Variants in MAX observed in about 807,000 individuals in gnomAD.
MAX encodes MYC associated transcriptional regulator X.
Under a neutral mutation model 22.3 loss-of-function variants are expected in MAX, and 3 were observed. That is an observed-to-expected ratio of 0.13 (90% CI 0.06 to 0.35). The LOEUF (loss-of-function observed/expected upper bound fraction) is 0.35, where lower values mean the gene tolerates loss of function less well. Among genes scored for constraint, MAX ranks in the 10% least tolerant of loss-of-function variants. The pLI is 1.00. For synonymous variants in MAX, 72 were observed against 77.7 expected, an observed-to-expected ratio of 0.93 and a Z score of 0.39; for missense variants, 119 against 209.4, an observed-to-expected ratio of 0.57 and a Z score of 2.66.
rs572480060 is a variant in MAX at position 65,069,481 on chromosome 14, G to T, written c.171+24227C>A. 5.3e-5 allele frequency among the ~76,000 whole-genome samples: 8 copies of T among 152,372 alleles called. No homozygotes were observed. In the East Asian group the frequency reaches 1.5e-3, roughly 29 times the overall value. ...TAACCTCATCTCTAAGCTTCTTCAA[G>T]GCAAGGCCCAGCCTTTATAAGCTGC... On this transcript the variant is annotated intron_variant, in intron 3 of 3. Coordinates refer to the MAX transcript ENST00000341653. This position sits in a 1 kb window ranked among gnomAD's most constrained non-coding sequence, Gnocchi z 4.6.
In MAX at chr14:65,032,677, A is replaced by G; in HGVS notation, c.172-26393T>C. ...CATCACTCCAGACCTCTTTGAGGGC[A>G]CTGCTGAATGGATAGCAAGGTGAGA... On this transcript the variant is annotated intron_variant, in intron 3 of 3. Transcript: ENST00000341653. The surrounding 1 kb of genome is among the most constrained non-coding windows in gnomAD (Gnocchi z 5.0). The G allele has an allele frequency of 1.4e-5, 22 of 1,613,908 alleles. No homozygotes were observed. The highest frequency in any genetic ancestry group is 1.9e-5 in the Non-Finnish European group (22 of 1,179,990).
chr14:65,035,300 T>C (rs1209708722), intron 3 of MAX, among the ~76,000 whole-genome samples: 1 of 152,196 alleles, frequency 6.6e-6, no homozygotes, highest in Non-Finnish European at 1.5e-5. Context: ...AACTGCATGC[T>C]GTTCTCTGTT....
rs973580212 is a variant in MAX, at chr14:65,077,742, C to T, written c.295+171G>A. 14 of 1,607,886 alleles carry T rather than the reference C, an allele frequency of 8.7e-6. No individual in the cohort carries two copies. The African/African-American group carries it at 1.6e-4, about 18-fold the overall frequency. ...CTGTCTCCTCACTGGCGCCTCAGGT[C>T]CTTCCTCAGGACGGCTCTAACACTC... On this transcript the variant is annotated intron_variant, in intron 4 of 4. Coordinates refer to ENST00000358664, the MANE Select transcript of MAX (RefSeq NM_002382.5). This position sits in a 1 kb window ranked among gnomAD's most constrained non-coding sequence, Gnocchi z 6.3.
rs1310940686 is a variant in MAX, at chr14:65,028,712, C to A, written c.172-22428G>T. ...TCTATCTCTAACTTGTCTAATCCAA[C>A]CAAAAAAATTAGATTAGGATCTGTG... On this transcript the variant is annotated intron_variant, in intron 3 of 3. Coordinates refer to the MAX transcript ENST00000341653. This position sits in a 1 kb window ranked among gnomAD's most constrained non-coding sequence, Gnocchi z 4.4. Among the ~76,000 whole-genome samples, 11 of 152,062 alleles carry A rather than the reference C, an allele frequency of 7.2e-5. No individual in the cohort carries two copies. Among genetic ancestry groups the A allele is most frequent in the African/African-American group, 2.7e-4 (11 of 41,368 alleles).
chr14:65,081,776 C>T (rs534377643), intron 3 of MAX, among the ~76,000 whole-genome samples: 1 of 152,206 alleles, frequency 6.6e-6, no homozygotes, highest in East Asian at 1.9e-4. Flanking sequence ...ACAGAAATGG[C>T]TCTTTAAATG....
rs2062691248 is a variant in MAX, at chr14:65,054,734, C to T, written c.171+38974G>A. 3.9e-6 allele frequency: 6 copies of T among 1,556,686 alleles called. No homozygotes were observed. Among genetic ancestry groups the T allele is most frequent in the Admixed American group, 1.9e-5 (1 of 52,582 alleles). On this transcript the variant is annotated intron_variant, in intron 3 of 3. Coordinates refer to the MAX transcript ENST00000341653. This position sits in a 1 kb window ranked among gnomAD's most constrained non-coding sequence, Gnocchi z 4.4. ...TCACACCCCTTCTCCACAGGGACCT[C>T]GCGGACAGAAGGCTTTCCAAGTAAG... is the stretch of plus-strand genomic sequence containing the variant.
intron 3 of MAX, among the ~76,000 whole-genome samples, chr14:65,038,332 C>A (rs1463915735): frequency 6.6e-6 from 1 of 151,778 alleles, no homozygotes; most frequent in Non-Finnish European, 1.5e-5. Context: ...ATTGCTTGAA[C>A]CCAGGAGGCA....
Position 65,032,582 on chromosome 14 carries a change from A to G in MAX, c.172-26298T>C, listed in dbSNP as rs1479372074. ...CCTCATTAGCTCTTCCGTAGAGCTTAATGTGTTTCCCGTTTCTGTCTTTCC... is the reference window on the plus strand; with the variant it reads ...CCTCATTAGCTCTTCCGTAGAGCTTGATGTGTTTCCCGTTTCTGTCTTTCC... On this transcript the variant is annotated intron_variant, in intron 3 of 3. Coordinates refer to the MAX transcript ENST00000341653. The surrounding 1 kb of genome is among the most constrained non-coding windows in gnomAD (Gnocchi z 5.0). 1 of 1,611,108 alleles carries G rather than the reference A, an allele frequency of 6.2e-7. No homozygotes were observed. Among genetic ancestry groups the G allele is most frequent in the Non-Finnish European group, 8.5e-7 (1 of 1,179,334 alleles).
At position 65,093,651 on chromosome 14, in the gene MAX, C is replaced by G; in HGVS notation, c.171+57G>C. 1.1e-6 allele frequency: 1 copy of G among 919,840 alleles called. No homozygotes were observed. The highest frequency in any genetic ancestry group is 1.7e-5 in the Admixed American group (1 of 58,956). 57.0% of individuals were successfully genotyped at this position (919,840 alleles called of 1,614,324 possible). ...CAATAGGTGAGTGCTCTGCTAAGCTCTGCAACAAGTTCCAAGCTAGTAGTG... is the reference window on the plus strand; with the variant it reads ...CAATAGGTGAGTGCTCTGCTAAGCTGTGCAACAAGTTCCAAGCTAGTAGTG... On this transcript the variant is annotated intron_variant, in intron 3 of 4. Transcript: ENST00000358664. The surrounding 1 kb of genome is among the most constrained non-coding windows in gnomAD (Gnocchi z 4.4).
At chr14:65,034,962 G>T (rs991050951) in intron 3 of MAX, among the ~76,000 whole-genome samples, 10 of 152,230 alleles carry the variant, frequency 6.6e-5, no homozygotes, top group Non-Finnish European at 1.3e-4. Context: ...AACTTGGTCA[G>T]ACTCAAGCTA....
At position 65,102,464 on chromosome 14, in the gene MAX, C is replaced by T; in HGVS notation, c.-125G>A. The T allele has an allele frequency of 7.2e-6, 11 of 1,527,178 alleles. No individual in the cohort carries two copies. Among genetic ancestry groups the T allele is most frequent in the African/African-American group, 1.4e-5 (1 of 72,914 alleles). The allele number at this position is 1,527,178 out of a possible 1,614,324, so 94.6% of individuals were successfully genotyped here. On this transcript the variant is annotated 5_prime_UTR_variant, in exon 1 of 5. It adds an upstream start codon to the 5' untranslated region. Coordinates refer to ENST00000358664, the MANE Select transcript of MAX (RefSeq NM_002382.5). ...ACACACACACTCACTCACTCACTCACTCGCTCTCTCACTCACACACACACA... is the reference window on the plus strand; with the variant it reads ...ACACACACACTCACTCACTCACTCATTCGCTCTCTCACTCACACACACACA...
chr14:65,057,858 T>C (rs555521330), intron 3 of MAX, among the ~76,000 whole-genome samples: 1 of 152,304 alleles, frequency 6.6e-6, no homozygotes, highest in African/African-American at 2.4e-5. Context: ...CCCTCAAGTT[T>C]CCATACATGA....
chr14:65,075,377 C>A lies in MAX; in HGVS notation c.*1099G>T, dbSNP rs1003411536. 3.8e-6 allele frequency: 4 copies of A among 1,063,116 alleles called. No homozygotes were observed. In the African/African-American group the frequency reaches 6.6e-5, roughly 17 times the overall value. 65.9% of individuals were successfully genotyped at this position (1,063,116 alleles called of 1,614,324 possible). ...CTGCTGACCACAGCCAGAACCAGGG[C>A]TGGATCACACAATGGAGACAGGTTC... On this transcript the variant is annotated 3_prime_UTR_variant, in exon 5 of 5. Transcript: ENST00000358664. The surrounding 1 kb of genome is among the most constrained non-coding windows in gnomAD (Gnocchi z 4.1).
rs922744025 is a variant in MAX at position 65,059,133 on chromosome 14, C to T, written c.171+34575G>A. Among the ~76,000 whole-genome samples the T allele has an allele frequency of 1.2e-4, 19 of 152,150 alleles. 1 individual carries two copies. Among genetic ancestry groups the T allele is most frequent in the Admixed American group, 1.2e-3 (19 of 15,280 alleles). On this transcript the variant is annotated intron_variant, in intron 3 of 3. Coordinates refer to the MAX transcript ENST00000341653. ...GAACTCCTGGGCTCAAGCTATCCTC[C>T]TGCCTTAGCCTCCCAAGTAGCAGGG... is the stretch of plus-strand genomic sequence containing the variant.
At chr14:65,101,738 G>A in intron 1 of MAX, 166 bp from the exon 2 acceptor site, 1 of 594,946 alleles carries the variant, frequency 1.7e-6, no homozygotes, top group South Asian at 2.0e-5. Flanking sequence ...TTCCACCCTC[G>A]GCGGGATCCG....
Position 65,022,447 on chromosome 14 carries a change from G to C in MAX, c.172-16163C>G, listed in dbSNP as rs182750912. 2.6e-5 allele frequency among the ~76,000 whole-genome samples: 4 copies of C among 152,152 alleles called. No individual in the cohort carries two copies. The East Asian group carries it at 7.7e-4, about 29-fold the overall frequency. ...AATTAGTCTCAGTTTTTACCTACTA[G>C]AATGTTTATGTAATTATCCTTTGTA... is the stretch of plus-strand genomic sequence containing the variant. On this transcript the variant is annotated intron_variant, in intron 3 of 3. Coordinates refer to the MAX transcript ENST00000341653.
At position 65,084,878 on chromosome 14, in the gene MAX, G is replaced by C. The variant is rs2063287412; in HGVS notation, c.172-6842C>G. ...GACTCCATCAATAAATCCATGGATT[G>C]AACAATAGCAGCTTTTGGGGAGAAA... On this transcript the variant is annotated intron_variant, in intron 3 of 4. Coordinates refer to ENST00000358664, the MANE Select transcript of MAX (RefSeq NM_002382.5). This position sits in a 1 kb window ranked among gnomAD's most constrained non-coding sequence, Gnocchi z 4.3. Among the ~76,000 whole-genome samples, 1 of 152,136 alleles carries C rather than the reference G, an allele frequency of 6.6e-6. No homozygotes were observed.
intron 3 of MAX, among the ~76,000 whole-genome samples, chr14:65,057,560 G>C (rs1207917187): frequency 1.3e-5 from 2 of 152,090 alleles, no homozygotes; most frequent in Non-Finnish European, 2.9e-5. Flanking sequence ...ATTTTTTGAG[G>C]GAAGCAGACA....
intron 3 of MAX, chr14:65,040,668 C>A: frequency 2.4e-5 from 18 of 741,294 alleles, no homozygotes; most frequent in East Asian, 6.5e-5. Context: ...TCTTTTCATT[C>A]ATAGTTGTGA....
Sources: allele counts gnomAD v4.1 joint callset (sites outside exome capture counted in the v4.1 genomes callset), GRCh38; gene constraint gnomAD v4.1.1; non-coding constraint Gnocchi (gnomAD v3.1); transcripts MANE v1.5; gene names NCBI Gene and HGNC (gene_info 2026-07-23, HGNC 2026-07-21).